Variants in SLC12A6 observed in about 807,000 individuals in gnomAD.
The protein encoded by SLC12A6 is K-Cl cotransporter 3.
In SLC12A6, 66 loss-of-function variants were observed where a neutral mutation model predicts 135.3. The ratio of observed to expected loss-of-function variants is 0.49; its 90% CI spans 0.40 to 0.60. SLC12A6 has a LOEUF of 0.60. Among genes scored for constraint, SLC12A6 ranks in the 20% least tolerant of loss-of-function variants. SLC12A6 has a pLI of 0.00. For missense variants in SLC12A6, 1,058 were observed against 1,452.3 expected (o/e 0.73, Z 4.41); for synonymous variants, 513 against 508.8 (o/e 1.01, Z -0.11).
intron 20 of SLC12A6, 21 bp downstream of exon 20, chr15:34,238,944 T>C (rs774342142): frequency 3.1e-6 from 5 of 1,601,796 alleles, no homozygotes; most frequent in Non-Finnish European, 4.3e-6. Flanking sequence ...CCTTTAGGTT[T>C]GTATGAGAAA....
chr15:34,336,891 A>G (rs1301596662), intron 1 of SLC12A6, 139 bp from the exon 2 acceptor site: 2 of 602,620 alleles, frequency 3.3e-6, no homozygotes, highest in South Asian at 2.0e-5. Context: ...ATAGGTGAAT[A>G]TATTTTTTAA....
At chr15:34,318,065 T>A (rs1382557126) in intron 2 of SLC12A6, among the ~76,000 whole-genome samples, 1 of 152,220 alleles carries the variant, frequency 6.6e-6, no homozygotes, top group South Asian at 2.1e-4. Context: ...TAGTTTAAGC[T>A]GGTAAACTGA....
At chr15:34,268,434 T>G (rs1566826937) in intron 3 of SLC12A6, among the ~76,000 whole-genome samples, 2 of 152,232 alleles carry the variant, frequency 1.3e-5, no homozygotes, top group Non-Finnish European at 2.9e-5. Flanking sequence ...AAAGAGTTCC[T>G]GGTCAATCAT....
intron 6 of SLC12A6, 64 bp from the exon 7 acceptor site, chr15:34,256,347 C>G: frequency 8.8e-7 from 1 of 1,134,008 alleles, no homozygotes; most frequent in Non-Finnish European, 1.3e-6. Flanking sequence ...TACTACTTCT[C>G]CATTTGTGTT....
At chr15:34,243,668 C>T (rs1264093183) in intron 16 of SLC12A6, among the ~76,000 whole-genome samples, 3 of 152,148 alleles carry the variant, frequency 2.0e-5, no homozygotes, top group African/African-American at 7.2e-5. Flanking sequence ...GACTCTGTAA[C>T]CCTAAGAGAC....
intron 2 of SLC12A6, among the ~76,000 whole-genome samples, chr15:34,282,097 G>A (rs930804077): frequency 5.9e-5 from 9 of 152,114 alleles, no homozygotes; most frequent in African/African-American, 1.9e-4. Context: ...AATAAGCTGC[G>A]ATAGTAGCAA....
At position 34,236,283 on chromosome 15, in the gene SLC12A6, T is replaced by C. The variant is rs551944571; in HGVS notation, c.3043-84A>G. On this transcript the variant is annotated intron_variant, in intron 23 of 25. Coordinates refer to ENST00000354181, the MANE Select transcript of SLC12A6 (RefSeq NM_001365088.1). ...TGGTTATTTTGAAGCAGTAATGGGTTATAGTGGAATAACTGACAGAGTGAG... is the reference window on the plus strand; with the variant it reads ...TGGTTATTTTGAAGCAGTAATGGGTCATAGTGGAATAACTGACAGAGTGAG... 563 of 917,306 alleles carry C rather than the reference T, an allele frequency of 6.1e-4. 2 individuals are homozygous for C. In the African/African-American group the frequency reaches 8.5e-3, roughly 14 times the overall value. The allele number at this position is 917,306 out of a possible 1,614,324, so 56.8% of individuals were successfully genotyped here. A position where few individuals can be genotyped will look rare whatever the true frequency, so the allele number is the denominator to read the frequency against.
At chr15:34,280,864 A>G (rs1435078328) in intron 2 of SLC12A6, among the ~76,000 whole-genome samples, 1 of 152,206 alleles carries the variant, frequency 6.6e-6, no homozygotes, top group Admixed American at 6.5e-5. Flanking sequence ...AAAGAATAAA[A>G]TCCTATCATT....
chr15:34,331,262 C>A (rs1401776668), intron 2 of SLC12A6, among the ~76,000 whole-genome samples: 1 of 152,166 alleles, frequency 6.6e-6, no homozygotes, highest in Non-Finnish European at 1.5e-5. Context: ...GCCTCAGCCA[C>A]CTGAGTAGCT....
At chr15:34,282,459 A>C (rs928656425) in intron 2 of SLC12A6, among the ~76,000 whole-genome samples, 2 of 152,230 alleles carry the variant, frequency 1.3e-5, no homozygotes, top group Admixed American at 6.5e-5. Flanking sequence ...TAAGGTTAAA[A>C]GATAACTCCC....
Position 34,321,056 on chromosome 15 carries a change from T to C in SLC12A6, c.271+15354A>G, listed in dbSNP as rs532411339. Reference sequence around the variant, plus strand: ...TAGAAACTTTACATCACGATCTCATTTAATCAACACGAAAACAGAAACATT... The same window carrying C: ...TAGAAACTTTACATCACGATCTCATCTAATCAACACGAAAACAGAAACATT... On this transcript the variant is annotated intron_variant, in intron 2 of 25. Coordinates refer to ENST00000354181, the MANE Select transcript of SLC12A6 (RefSeq NM_001365088.1). Among the ~76,000 whole-genome samples, 10 of 152,294 alleles carry C rather than the reference T, an allele frequency of 6.6e-5. No individual in the cohort carries two copies. In the East Asian group the frequency reaches 1.9e-3, roughly 29 times the overall value.
At chr15:34,337,979 G>C (rs1436824296), upstream of SLC12A6, 1 of 152,006 alleles carries the variant, frequency 6.6e-6, no homozygotes, top group Non-Finnish European at 1.5e-5. Flanking sequence ...GAGAAGCCCG[G>C]GGGTGCAGTG....
In SLC12A6 at chr15:34,258,942, T is replaced by C; in HGVS notation, c.414A>G (p.Glu138=). 1 of 1,609,984 alleles carries C rather than the reference T, an allele frequency of 6.2e-7. No individual in the cohort carries two copies. The highest frequency in any genetic ancestry group is 8.5e-7 in the Non-Finnish European group (1 of 1,176,242). The part of the protein sequence containing the change: ...YFDKNLALFE[E]EMDTRPKVSS... Reference sequence around the variant, plus strand: ...ACACCTTCGGTCTGGTGTCCATTTCTTCCTATAAAGCCAGTGACATGGAAG... The same window carrying C: ...ACACCTTCGGTCTGGTGTCCATTTCCTCCTATAAAGCCAGTGACATGGAAG... The change falls in exon 5 of 26, where the codon GAA becomes GAG. Residue 138 remains glutamate, a splice_region_variant and synonymous_variant. Coordinates refer to ENST00000354181, the MANE Select transcript of SLC12A6 (RefSeq NM_001365088.1).
In SLC12A6 at chr15:34,293,150, C is replaced by A. The variant is rs530355061; in HGVS notation, c.272-17761G>T. ...TGTTCCTATTCAGCCATCTTGGAAG[C>A]GACTCCTTAAGATACGTGTTTTTTA... On this transcript the variant is annotated intron_variant, in intron 2 of 25. Transcript: ENST00000354181. Among the ~76,000 whole-genome samples, 6 of 152,112 alleles carry A rather than the reference C, an allele frequency of 3.9e-5. No individual in the cohort carries two copies. In the South Asian group the frequency reaches 1.3e-3, roughly 32 times the overall value.
At chr15:34,327,648 ACT>A (rs1889562377) in intron 2 of SLC12A6, among the ~76,000 whole-genome samples, 2 of 150,538 alleles carry the variant, frequency 1.3e-5, no homozygotes, top group South Asian at 2.1e-4. Context: ...ATAGAGCAAG[ACT>A]CTGTCTCAAA....
chr15:34,322,521 T>C (rs1889167408), intron 2 of SLC12A6, among the ~76,000 whole-genome samples: 1 of 152,164 alleles, frequency 6.6e-6, no homozygotes, highest in African/African-American at 2.4e-5. Flanking sequence ...GAAGTATTTG[T>C]GGGAGGTGAA....
intron 2 of SLC12A6, among the ~76,000 whole-genome samples, chr15:34,312,825 T>C (rs1400573453): frequency 6.6e-6 from 1 of 152,264 alleles, no homozygotes; most frequent in East Asian, 1.9e-4. Flanking sequence ...CTGTCGCATT[T>C]TGGTAATTCT....
chr15:34,265,001 C>T (rs1473532514), intron 3 of SLC12A6, among the ~76,000 whole-genome samples: 1 of 152,092 alleles, frequency 6.6e-6, no homozygotes, highest in Non-Finnish European at 1.5e-5. Flanking sequence ...TTGAGACCAT[C>T]CTGGCTAACA....
chr15:34,270,835 A>AC (rs201990103), intron 3 of SLC12A6, among the ~76,000 whole-genome samples: 4,092 of 151,014 alleles, frequency 0.027, 191 homozygotes, highest in African/African-American at 0.094. Flanking sequence ...AAAAAACAAA[A>AC]AAAAAAAAAA....
Sources: allele counts gnomAD v4.1 joint callset (sites outside exome capture counted in the v4.1 genomes callset), GRCh38; gene constraint gnomAD v4.1.1; transcripts MANE v1.5; gene names NCBI Gene and HGNC (gene_info 2026-07-23, HGNC 2026-07-21).